Variants in CSMD1 observed in about 807,000 individuals in gnomAD.
CSMD1 encodes CUB and sushi domain-containing protein 1.
A neutral mutation model predicts 417.5 loss-of-function variants in CSMD1; 213 were observed. That is an observed-to-expected ratio of 0.51 (90% CI 0.46 to 0.57). The LOEUF (loss-of-function observed/expected upper bound fraction) is 0.57. Among genes scored for constraint, CSMD1 ranks in the 20% least tolerant of loss-of-function variants. CSMD1 has a pLI of 0.00. For synonymous variants in CSMD1, 2,862 were observed against 1,736.8 expected (o/e 1.65, Z -16.11); for missense variants, 6,923 against 4,529.7 (o/e 1.53, Z -15.17).
chr8:3,255,243 G>T (rs1460088732), intron 26 of CSMD1, among the ~76,000 whole-genome samples: 1 of 151,976 alleles, frequency 6.6e-6, no homozygotes, highest in Non-Finnish European at 1.5e-5. Context: ...TTTTCTCAGG[G>T]GTGTACCCAG....
At chr8:3,935,046 T>C (rs1200485410) in intron 5 of CSMD1, among the ~76,000 whole-genome samples, 1 of 152,144 alleles carries the variant, frequency 6.6e-6, no homozygotes, top group African/African-American at 2.4e-5. Context: ...TCTCGTTTCT[T>C]TTGCATTGCA....
intron 25 of CSMD1, among the ~76,000 whole-genome samples, chr8:3,287,293 T>G (rs1282255754): frequency 1.3e-5 from 2 of 151,934 alleles, no homozygotes; most frequent in Non-Finnish European, 2.9e-5. Flanking sequence ...GGGCTCTTTT[T>G]TGGTTCCATA....
At chr8:4,471,594 G>T (rs374236827) in intron 2 of CSMD1, among the ~76,000 whole-genome samples, 1 of 152,030 alleles carries the variant, frequency 6.6e-6, no homozygotes, top group East Asian at 1.9e-4. Flanking sequence ...GAGGTGCAGG[G>T]AGAAAACAAC....
chr8:4,058,717 G>A (rs1798821829), intron 3 of CSMD1, among the ~76,000 whole-genome samples: 2 of 135,158 alleles, frequency 1.5e-5, no homozygotes, highest in Admixed American at 1.6e-4. Flanking sequence ...AATAGTAAAG[G>A]GATCAATTCA....
At chr8:3,652,401 G>T (rs1008878277) in intron 7 of CSMD1, among the ~76,000 whole-genome samples, 6 of 152,172 alleles carry the variant, frequency 3.9e-5, no homozygotes, top group African/African-American at 1.4e-4. Context: ...CAAATACGTT[G>T]ACTTGTTTGT....
chr8:4,856,231 C>T (rs1479134881), intron 1 of CSMD1, among the ~76,000 whole-genome samples: 1 of 133,988 alleles, frequency 7.5e-6, no homozygotes, highest in Non-Finnish European at 1.6e-5. Context: ...TTTTTGTCAC[C>T]ACCAGGCCTG....
intron 5 of CSMD1, among the ~76,000 whole-genome samples, chr8:3,846,945 G>T (rs939149407): frequency 2.6e-5 from 4 of 152,184 alleles, no homozygotes; most frequent in African/African-American, 9.7e-5. Context: ...AAAGTGCTGT[G>T]ATTACAGCCG....
At chr8:3,009,082 C>A (rs673180) in intron 52 of CSMD1, among the ~76,000 whole-genome samples, 21,108 of 152,190 alleles carry the variant, frequency 0.14, 4,247 homozygotes, top group African/African-American at 0.44. Context: ...CCCATGACAG[C>A]GGACAGACCT....
chr8:4,972,762 T>C (rs1810320405), intron 1 of CSMD1, among the ~76,000 whole-genome samples: 3 of 146,160 alleles, frequency 2.1e-5, no homozygotes, highest in African/African-American at 7.6e-5. Flanking sequence ...ATTTTCCAGC[T>C]ATCTAAATGA....
chr8:4,047,176 T>C (rs538215807), intron 3 of CSMD1, among the ~76,000 whole-genome samples: 1 of 152,190 alleles, frequency 6.6e-6, no homozygotes, highest in African/African-American at 2.4e-5. Context: ...CTATCTGACC[T>C]GTGCTGGGCC....
At chr8:3,449,278 G>C (rs868283175) in intron 12 of CSMD1, among the ~76,000 whole-genome samples, 5 of 152,240 alleles carry the variant, frequency 3.3e-5, no homozygotes, top group Non-Finnish European at 7.4e-5. Context: ...ATATCTGAGA[G>C]ACTAAACTCA....
chr8:3,290,686 A>C lies in CSMD1; in HGVS notation c.3951-6340T>G, dbSNP rs974533128. On this transcript the variant is annotated intron_variant, in intron 25 of 69. Transcript: ENST00000635120. ...TTGCACATTGATTTTGTATCCTGAG[A>C]CTTTGCTGAAGTTGCTTATCAGCTT... Among the ~76,000 whole-genome samples the C allele has an allele frequency of 5.4e-5, 8 of 147,234 alleles. 1 individual carries two copies. The highest frequency in any genetic ancestry group is 5.3e-4 in the Admixed American group (8 of 14,986).
intron 5 of CSMD1, among the ~76,000 whole-genome samples, chr8:3,817,292 T>A (rs866525793): frequency 2.6e-3 from 241 of 93,526 alleles, no homozygotes; most frequent in African/African-American, 0.012. Context: ...TTTTTTTTTT[T>A]TTTTTTGAGA....
intron 5 of CSMD1, among the ~76,000 whole-genome samples, chr8:3,786,868 C>T (rs1307199260): frequency 1.3e-5 from 2 of 152,026 alleles, no homozygotes; most frequent in Non-Finnish European, 2.9e-5. Context: ...ATTATGAGGG[C>T]CACACCCTCC....
chr8:4,145,357 C>T (rs551118312), intron 3 of CSMD1, among the ~76,000 whole-genome samples: 1 of 150,978 alleles, frequency 6.6e-6, no homozygotes, highest in Non-Finnish European at 1.5e-5. Flanking sequence ...TCAGAAAGAT[C>T]TGGAAAAATG....
intron 49 of CSMD1, among the ~76,000 whole-genome samples, chr8:3,071,450 A>G (rs1028187346): frequency 6.6e-6 from 1 of 152,146 alleles, no homozygotes; most frequent in Non-Finnish European, 1.5e-5. Context: ...GCAAACCACC[A>G]TGGCACATGT....
At chr8:3,462,210 G>T (rs903544276) in intron 12 of CSMD1, among the ~76,000 whole-genome samples, 3 of 152,100 alleles carry the variant, frequency 2.0e-5, no homozygotes, top group Admixed American at 6.5e-5. Context: ...CCCTCCCTGG[G>T]GGCCACCCAT....
chr8:3,908,761 C>G (rs373640586), intron 5 of CSMD1, among the ~76,000 whole-genome samples: 30 of 152,294 alleles, frequency 2.0e-4, no homozygotes, highest in African/African-American at 7.0e-4. Flanking sequence ...AGGCACCAAA[C>G]TGGCTTACAG....
chr8:4,136,560 C>A (rs1394433256), intron 3 of CSMD1, among the ~76,000 whole-genome samples: 1 of 152,126 alleles, frequency 6.6e-6, no homozygotes, highest in Non-Finnish European at 1.5e-5. Context: ...ATGCAAAATG[C>A]CTCTAATTTA....
Sources: allele counts gnomAD v4.1 joint callset (sites outside exome capture counted in the v4.1 genomes callset), GRCh38; gene constraint gnomAD v4.1.1; transcripts MANE v1.5; gene names NCBI Gene and HGNC (gene_info 2026-07-23, HGNC 2026-07-21).